Variants in MSR1 observed in about 807,000 individuals in gnomAD.
The protein encoded by MSR1 is macrophage scavenger receptor types I and II.
In MSR1, 53 loss-of-function variants were observed where a neutral mutation model predicts 47.2. The observed-to-expected ratio is 1.12, with a 90% CI of 0.90 to 1.41. The LOEUF is 1.41. Among genes scored for constraint, MSR1 ranks in the 40% most tolerant of loss-of-function variants. The pLI, the probability that MSR1 is intolerant of heterozygous loss-of-function variation, is 0.00. For synonymous variants in MSR1, 239 were observed against 185.6 expected (o/e 1.29, Z -2.34); for missense variants, 786 against 546.9 (o/e 1.44, Z -4.36).
At chr8:16,128,290 T>C (rs1800175755) in intron 8 of MSR1, among the ~76,000 whole-genome samples, 2 of 152,038 alleles carry the variant, frequency 1.3e-5, no homozygotes, top group African/African-American at 4.8e-5. Flanking sequence ...AAGTCCCCAA[T>C]GTGACTATAT....
chr8:16,183,878 A>C (rs1801916016), intron 1 of MSR1, among the ~76,000 whole-genome samples: 1 of 142,954 alleles, frequency 7.0e-6, no homozygotes, highest in African/African-American at 2.5e-5. Flanking sequence ...ATATATTTAT[A>C]TTATTATATA....
At chr8:16,179,879 CAAAAAAAA>C in intron 1 of MSR1, among the ~76,000 whole-genome samples, 1 of 80,962 alleles carries the variant, frequency 1.2e-5, no homozygotes. Context: ...CCCTGTGTCT[CAAAAAAAA>C]AAAAAAAAAA....
intron 6 of MSR1, among the ~76,000 whole-genome samples, chr8:16,153,972 T>TTA (rs1800930088): frequency 1.3e-5 from 2 of 152,098 alleles, no homozygotes; most frequent in African/African-American, 2.4e-5. Flanking sequence ...ACTTGGCATA[T>TTA]TATATATATG....
chr8:16,153,608 T>C (rs1265735468), intron 6 of MSR1, among the ~76,000 whole-genome samples: 1 of 152,018 alleles, frequency 6.6e-6, no homozygotes, highest in Admixed American at 6.6e-5. Flanking sequence ...TGTCTATTTA[T>C]AACATTAACA....
intron 7 of MSR1, among the ~76,000 whole-genome samples, chr8:16,144,190 T>G (rs1302792984): frequency 1.3e-5 from 2 of 152,096 alleles, no homozygotes; most frequent in Non-Finnish European, 2.9e-5. Flanking sequence ...ATATTTCATA[T>G]GAGGGTCAGG....
At chr8:16,143,414 T>G (rs183441744) in intron 8 of MSR1, 144 bp downstream of exon 8, 7 of 614,754 alleles carry the variant, frequency 1.1e-5, no homozygotes, top group Non-Finnish European at 1.7e-5. Flanking sequence ...GCATGCTTAT[T>G]TGTAGAAAAT....
At chr8:16,185,953 C>G (rs971528978) in intron 1 of MSR1, among the ~76,000 whole-genome samples, 2 of 151,626 alleles carry the variant, frequency 1.3e-5, no homozygotes, top group Non-Finnish European at 2.9e-5. Context: ...CTTTTTGACG[C>G]TGCAAGAGAA....
Position 16,168,742 on chromosome 8 carries a change from C to G in MSR1, c.346G>C (p.Glu116Gln), listed in dbSNP as rs573519862. The G allele has an allele frequency of 5.6e-5, 90 of 1,614,134 alleles. 1 individual carries two copies. The South Asian group carries it at 9.0e-4, about 16-fold the overall frequency. ...CTCTTCTCCATGTTGCTCATGTGTT[C>G]CATAAAGACTTCTTGAAATCTCATT... is the stretch of plus-strand genomic sequence containing the variant. ...EEMRFQEVFMEHMSNMEKRIQ... is the reference protein window; with the variant it reads ...EEMRFQEVFMQHMSNMEKRIQ... Residue 116 changes from glutamate to glutamine, a missense_variant, in exon 4 of 10, where the codon GAA becomes CAA. Coordinates refer to ENST00000262101, the MANE Select transcript of MSR1 (RefSeq NM_138715.3).
At chr8:16,132,589 G>T (rs1395677372) in intron 8 of MSR1, among the ~76,000 whole-genome samples, 1 of 152,070 alleles carries the variant, frequency 6.6e-6, no homozygotes, top group African/African-American at 2.4e-5. Context: ...CCAGGTTCAA[G>T]TGATTCTCCT....
chr8:16,151,389 C>G (rs1800854740), intron 6 of MSR1, among the ~76,000 whole-genome samples: 1 of 152,106 alleles, frequency 6.6e-6, no homozygotes, highest in Non-Finnish European at 1.5e-5. Context: ...TCATAGAAAT[C>G]AGGCAGTCAT....
intron 7 of MSR1, among the ~76,000 whole-genome samples, chr8:16,144,267 T>C (rs576052011): frequency 6.6e-6 from 1 of 152,110 alleles, no homozygotes; most frequent in Non-Finnish European, 1.5e-5. Context: ...CTTCACCCAC[T>C]GTCCCATTTT....
intron 8 of MSR1, chr8:16,140,574 A>T (rs906878388): frequency 5.7e-6 from 6 of 1,057,434 alleles, no homozygotes; most frequent in Non-Finnish European, 5.7e-6. Flanking sequence ...ATTGTATGGT[A>T]GGAATCGCTT....
In MSR1 at chr8:16,139,891, G is replaced by A. The variant is rs548528648; in HGVS notation, c.1033+3667C>T. On this transcript the variant is annotated intron_variant, in intron 8 of 9. Transcript: ENST00000262101. The stretch of plus-strand genomic sequence containing the variant: ...AATCAATTTTTAAAAAATATTCTAA[G>A]GAATTAAAATTTTTTTATCTCCTCT... 2.2e-4 allele frequency: 94 copies of A among 429,476 alleles called. No individual in the cohort carries two copies. The African/African-American group carries it at 2.3e-3, about 10-fold the overall frequency. The allele number at this position is 429,476 out of a possible 1,614,324, so 26.6% of individuals were successfully genotyped here.
intron 1 of MSR1, among the ~76,000 whole-genome samples, chr8:16,183,491 T>A (rs1035878948): frequency 4.7e-5 from 7 of 147,580 alleles, no homozygotes; most frequent in African/African-American, 1.7e-4. Flanking sequence ...AATAACTATA[T>A]AGATATAAAT....
intron 5 of MSR1, among the ~76,000 whole-genome samples, chr8:16,160,471 G>A (rs1160411554): frequency 6.6e-6 from 1 of 152,004 alleles, no homozygotes; most frequent in Non-Finnish European, 1.5e-5. Flanking sequence ...CATTGGGATT[G>A]CAGAGGTAGA....
chr8:16,153,656 C>T (rs1396402236), intron 6 of MSR1, among the ~76,000 whole-genome samples: 1 of 151,862 alleles, frequency 6.6e-6, no homozygotes, highest in African/African-American at 2.4e-5. Context: ...TTCATACATT[C>T]ACAGTTCAGA....
chr8:16,167,153 G>A lies in MSR1; in HGVS notation c.630+1305C>T, dbSNP rs143269662. ...GCTCACTGATCACCAGATTTTGATCGTTTCCATTAATTATCACTTCAAACA... is the reference window on the plus strand; with the variant it reads ...GCTCACTGATCACCAGATTTTGATCATTTCCATTAATTATCACTTCAAACA... On this transcript the variant is annotated intron_variant, in intron 4 of 9. Transcript: ENST00000262101. Among the ~76,000 whole-genome samples the A allele has an allele frequency of 7.0e-3, 1,068 of 152,184 alleles. 11 individuals carry two copies. Among genetic ancestry groups the A allele is most frequent in the African/African-American group, 0.023 (975 of 41,502 alleles).
intron 8 of MSR1, among the ~76,000 whole-genome samples, chr8:16,141,751 G>A (rs1203833919): frequency 6.6e-6 from 1 of 152,008 alleles, no homozygotes; most frequent in East Asian, 1.9e-4. Flanking sequence ...GAACATATCT[G>A]AAGAAAATGT....
In MSR1 at chr8:16,124,887, G is replaced by C. The variant is rs897740297; in HGVS notation, c.1034-4281C>G. Among the ~76,000 whole-genome samples, 45 of 151,252 alleles carry C rather than the reference G, an allele frequency of 3.0e-4. 1 individual carries two copies. The highest frequency in any genetic ancestry group is 5.9e-4 in the Non-Finnish European group (40 of 67,970). On this transcript the variant is annotated intron_variant, in intron 8 of 9. Transcript: ENST00000262101. ...TGCATTACCCAGTGAGATTAAATTG[G>C]CAAATGCTTAAAATATCAAATCATA...
Sources: gnomAD v4.1 joint callset for allele counts (sites outside exome capture counted in the v4.1 genomes callset) on GRCh38, gnomAD v4.1.1 for gene constraint, MANE v1.5 for transcripts, NCBI Gene and HGNC (gene_info 2026-07-23, HGNC 2026-07-21) for gene names.